Variants in COX7A2 observed in about 807,000 individuals in gnomAD.
COX7A2 encodes the protein cytochrome c oxidase subunit 7A2, mitochondrial.
In COX7A2, 11 loss-of-function variants were observed where a neutral mutation model predicts 11.6. The observed-to-expected ratio is 0.95, with a 90% CI of 0.60 to 1.57. COX7A2 has a LOEUF of 1.57. COX7A2 is among the 40% of genes most tolerant of loss of function. The pLI is 0.00. For synonymous variants in COX7A2, 30 were observed against 38.2 expected, an observed-to-expected ratio of 0.78 and a Z score of 0.79; for missense variants, 106 against 100.9, an observed-to-expected ratio of 1.05 and a Z score of -0.22.
chr6:75,241,121 A>G, intron 2 of COX7A2, 55 bp downstream of exon 2: 1 of 1,558,698 alleles, frequency 6.4e-7, no homozygotes. Flanking sequence ...CCCAACTCTT[A>G]CCTTTTGGTA....
Position 75,240,796 on chromosome 6 carries a change from T to C in COX7A2, c.108+380A>G, listed in dbSNP as rs113423547. On this transcript the variant is annotated intron_variant, in intron 2 of 3. Transcript: ENST00000684430. ...AAAGTGGGGAAGGGATTTTGGTTTATAACCCTAAATTATATCCCTAGCATC... is the reference window on the plus strand; with the variant it reads ...AAAGTGGGGAAGGGATTTTGGTTTACAACCCTAAATTATATCCCTAGCATC... The C allele has an allele frequency of 5.2e-3, 992 of 192,194 alleles. 16 individuals carry two copies. Among genetic ancestry groups the C allele is most frequent in the African/African-American group, 0.022 (943 of 42,768 alleles). The allele number at this position is 192,194 out of a possible 1,614,324, so 11.9% of individuals were successfully genotyped here.
In COX7A2 at chr6:75,241,199, G is replaced by C; in HGVS notation, c.85C>G (p.Pro29Ala). Residue 29 changes from proline to alanine, a missense_variant, in exon 2 of 4, where the codon CCG becomes GCG. Coordinates refer to ENST00000684430, the MANE Select transcript of COX7A2 (RefSeq NM_001366293.2). ...ASRRHFKNKV[P>A]EKQKLFQEDD... ...ACCTGGAACAGTTTTTGCTTCTCCG[G>C]AACTTTATTTTTAAAATGCCTGCGG... 5.6e-6 allele frequency: 9 copies of C among 1,597,094 alleles called. No individual in the cohort carries two copies. Among genetic ancestry groups the C allele is most frequent in the Non-Finnish European group, 7.7e-6 (9 of 1,167,300 alleles).
chr6:75,244,757 T>G (rs933415090), upstream of COX7A2, among the ~76,000 whole-genome samples: 5 of 152,214 alleles, frequency 3.3e-5, no homozygotes, highest in African/African-American at 9.7e-5. Context: ...AAACTATTCC[T>G]TATAATCCTT....
upstream of COX7A2, among the ~76,000 whole-genome samples, chr6:75,247,197 G>A (rs770788444): frequency 4.0e-5 from 6 of 151,888 alleles, no homozygotes; most frequent in Non-Finnish European, 8.8e-5. Context: ...CCAGAGGACA[G>A]TTACCCAATC....
intron 2 of COX7A2, 145 bp from the exon 3 acceptor site, chr6:75,240,530 A>G: frequency 1.7e-6 from 1 of 575,026 alleles, no homozygotes; most frequent in Non-Finnish European, 2.9e-6. Flanking sequence ...TAAAAGACCT[A>G]CAATTTTCTT....
At chr6:75,247,800 T>A (rs956461824), upstream of COX7A2, among the ~76,000 whole-genome samples, 5 of 152,146 alleles carry the variant, frequency 3.3e-5, no homozygotes, top group Non-Finnish European at 7.4e-5. Context: ...ATATTATGAC[T>A]TACTTTCCCA....
At chr6:75,245,961 T>C (rs78444085), upstream of COX7A2, among the ~76,000 whole-genome samples, 19 of 152,362 alleles carry the variant, frequency 1.2e-4, no homozygotes, top group East Asian at 3.7e-3. Flanking sequence ...GTGGTTCTCC[T>C]ATTTTAGTGG....
upstream of COX7A2, among the ~76,000 whole-genome samples, chr6:75,245,386 G>A (rs184925799): frequency 5.9e-5 from 9 of 151,930 alleles, no homozygotes; most frequent in East Asian, 1.6e-3. Context: ...AGCTACTCAG[G>A]AGGTTGAGGC....
At chr6:75,240,249 T>G in intron 3 of COX7A2, 52 bp downstream of exon 3, 1 of 1,315,764 alleles carries the variant, frequency 7.6e-7, no homozygotes, top group Non-Finnish European at 1.1e-6. Flanking sequence ...AAGTTATCAG[T>G]TATCATTACT....
Position 75,237,946 on chromosome 6 carries a change from G to A in COX7A2, c.236C>T (p.Pro79Leu), listed in dbSNP as rs1412852317. Reference protein sequence around the residue: ...AIYELAVASFPKKQE With the variant: ...AIYELAVASFLKKQE The stretch of plus-strand genomic sequence containing the variant: ...TGACTGAAGTCACTCCTGCTTCTTG[G>A]GAAATGAAGCCACAGCCAGCTCATA... Residue 79 changes from proline (P) to leucine (L), a missense_variant, in exon 4 of 4, where the codon CCC becomes CTC. Coordinates refer to ENST00000684430, the MANE Select transcript of COX7A2 (RefSeq NM_001366293.2). 1.2e-6 allele frequency: 2 copies of A among 1,605,152 alleles called. No individual in the cohort carries two copies. The highest frequency in any genetic ancestry group is 1.7e-6 in the Non-Finnish European group (2 of 1,174,200).
exon 1 of COX7A2, chr6:75,250,155 T>G (rs1419287238): frequency 6.6e-5 from 10 of 152,184 alleles, no homozygotes; most frequent in Non-Finnish European, 1.5e-5. Flanking sequence ...AACCCAGGCT[T>G]GTGTGGAATG....
chr6:75,239,381 T>C (rs1028484827), intron 3 of COX7A2, among the ~76,000 whole-genome samples: 6 of 152,190 alleles, frequency 3.9e-5, no homozygotes, highest in Admixed American at 3.3e-4. Context: ...AGATCTTCCA[T>C]GTTGATTGTT....
In COX7A2 at chr6:75,240,860, A is replaced by G. The variant is rs182091488; in HGVS notation, c.108+316T>C. The G allele has an allele frequency of 9.0e-3, 1,045 of 115,676 alleles. 11 individuals are homozygous for G. Among genetic ancestry groups the G allele is most frequent in the African/African-American group, 0.037 (992 of 26,876 alleles). 7.2% of individuals were successfully genotyped at this position (115,676 alleles called of 1,614,324 possible). A position where few individuals can be genotyped will look rare whatever the true frequency, so the allele number is the denominator to read the frequency against. Reference sequence around the variant, plus strand: ...AGTAGCTATTTAGTACATCTGTTCAATAAAGTATTGTATTTTTAGGTATAT... The same window carrying G: ...AGTAGCTATTTAGTACATCTGTTCAGTAAAGTATTGTATTTTTAGGTATAT... On this transcript the variant is annotated intron_variant, in intron 2 of 3. Coordinates refer to ENST00000684430, the MANE Select transcript of COX7A2 (RefSeq NM_001366293.2).
At chr6:75,247,012 C>T (rs939065102), upstream of COX7A2, among the ~76,000 whole-genome samples, 3 of 152,048 alleles carry the variant, frequency 2.0e-5, no homozygotes, top group South Asian at 2.1e-4. Flanking sequence ...ATGGTTCTTT[C>T]GGAAAATACT....
chr6:75,240,866 T>G, intron 2 of COX7A2: 1 of 105,384 alleles, frequency 9.5e-6, no homozygotes, highest in Non-Finnish European at 2.0e-5. Context: ...TTCAATAAAG[T>G]ATTGTATTTT....
At chr6:75,245,642 T>C (rs1369765917), upstream of COX7A2, among the ~76,000 whole-genome samples, 1 of 152,212 alleles carries the variant, frequency 6.6e-6, no homozygotes, top group African/African-American at 2.4e-5. Flanking sequence ...AACAAACTCC[T>C]TTGATTACCG....
chr6:75,238,536 C>T (rs1771387228), intron 3 of COX7A2, among the ~76,000 whole-genome samples: 1 of 151,626 alleles, frequency 6.6e-6, no homozygotes, highest in Admixed American at 6.6e-5. Flanking sequence ...GAAACCCTGT[C>T]TCTACTAAAA....
chr6:75,243,504 A>T (rs240422), intron 1 of COX7A2, among the ~76,000 whole-genome samples: 133,124 of 152,042 alleles, frequency 0.88, 58,707 homozygotes, highest in Non-Finnish European at 0.93. Flanking sequence ...TCACTTCCCC[A>T]GCCTCTCCAC....
At chr6:75,244,792 T>A (rs535978484), upstream of COX7A2, among the ~76,000 whole-genome samples, 1 of 152,280 alleles carries the variant, frequency 6.6e-6, no homozygotes, top group African/African-American at 2.4e-5. Context: ...CACAATCTAC[T>A]GTATGTCAAT....
Sources: gnomAD v4.1 joint callset for allele counts (sites outside exome capture counted in the v4.1 genomes callset) on GRCh38, gnomAD v4.1.1 for gene constraint, MANE v1.5 for transcripts, NCBI Gene and HGNC (gene_info 2026-07-23, HGNC 2026-07-21) for gene names.